The following NEDD4 variants were observed in gnomAD, a reference collection of about 807,000 sequenced individuals.
NEDD4 encodes NEDD4 E3 ubiquitin protein ligase, also known as E3 ubiquitin-protein ligase NEDD4.
In NEDD4, 99 loss-of-function variants were observed where a neutral mutation model predicts 144.9. The observed-to-expected ratio is 0.68, with a 90% CI of 0.58 to 0.81. The LOEUF (loss-of-function observed/expected upper bound fraction) is 0.81. NEDD4 is among the 30% of genes least tolerant of loss of function. The pLI, the probability that NEDD4 is intolerant of heterozygous loss-of-function variation, is 0.00. For synonymous variants in NEDD4, 318 were observed against 350.6 expected, an observed-to-expected ratio of 0.91 and a Z score of 1.04; for missense variants, 985 against 1,065.9, an observed-to-expected ratio of 0.92 and a Z score of 1.06.
At chr15:55,964,389 G>C (rs572623285) in intron 2 of NEDD4, among the ~76,000 whole-genome samples, 1 of 151,900 alleles carries the variant, frequency 6.6e-6, no homozygotes, top group Non-Finnish European at 1.5e-5. Flanking sequence ...TTTAAGTTCA[G>C]TTAATCTTTC....
chr15:55,880,974 A>G (rs1446418300), intron 5 of NEDD4, among the ~76,000 whole-genome samples: 6 of 152,310 alleles, frequency 3.9e-5, no homozygotes, highest in Non-Finnish European at 8.8e-5. Context: ...CATTTCAAAC[A>G]GGTATATCCA....
chr15:55,992,800 TTAATC>T (rs779701657), intron 1 of NEDD4, among the ~76,000 whole-genome samples: 1 of 152,218 alleles, frequency 6.6e-6, no homozygotes, highest in African/African-American at 2.4e-5. Context: ...ATCCCAGAGC[TTAATC>T]TAGTTTTCAA....
intron 4 of NEDD4, among the ~76,000 whole-genome samples, chr15:55,944,234 C>A (rs1393001830): frequency 6.6e-6 from 1 of 152,174 alleles, no homozygotes; most frequent in African/African-American, 2.4e-5. Flanking sequence ...CTTTCCTAGC[C>A]AAAAGAAGCT....
chr15:55,949,020 C>G (rs2037179149), intron 4 of NEDD4, among the ~76,000 whole-genome samples: 1 of 152,072 alleles, frequency 6.6e-6, no homozygotes, highest in Non-Finnish European at 1.5e-5. Context: ...AACAGGCAAC[C>G]TATAGAATGG....
intron 1 of NEDD4, among the ~76,000 whole-genome samples, chr15:55,985,677 T>C (rs531649992): frequency 3.9e-4 from 59 of 152,270 alleles, no homozygotes; most frequent in Middle Eastern, 6.8e-3. Context: ...GAATTCATGA[T>C]TTTTAAATTT....
chr15:55,954,751 C>A (rs2037307125), intron 2 of NEDD4, among the ~76,000 whole-genome samples: 1 of 152,126 alleles, frequency 6.6e-6, no homozygotes, highest in Non-Finnish European at 1.5e-5. Flanking sequence ...CTTCAACTCC[C>A]AGTTTCAGGT....
At chr15:55,836,924 G>T (rs1472484638) in intron 24 of NEDD4, among the ~76,000 whole-genome samples, 2 of 152,130 alleles carry the variant, frequency 1.3e-5, no homozygotes, top group African/African-American at 4.8e-5. Context: ...CTCCTCAAGT[G>T]TTGGGATTTT....
intron 5 of NEDD4, among the ~76,000 whole-genome samples, chr15:55,908,898 A>C (rs2036184605): frequency 6.6e-6 from 1 of 152,166 alleles, no homozygotes; most frequent in Non-Finnish European, 1.5e-5. Context: ...GATAAAAAGT[A>C]AATAAAAGGA....
At chr15:55,982,597 T>A (rs1383875000) in intron 1 of NEDD4, among the ~76,000 whole-genome samples, 1 of 152,172 alleles carries the variant, frequency 6.6e-6, no homozygotes, top group Non-Finnish European at 1.5e-5. Flanking sequence ...CAGAATTGAC[T>A]GGAAGAGGGC....
intron 24 of NEDD4, among the ~76,000 whole-genome samples, chr15:55,837,100 C>T (rs1168772125): frequency 2.6e-5 from 4 of 152,058 alleles, no homozygotes; most frequent in African/African-American, 4.8e-5. Context: ...AGCTATATGT[C>T]GTCACATGTA....
intron 5 of NEDD4, among the ~76,000 whole-genome samples, chr15:55,884,854 A>C (rs1021607125): frequency 6.6e-6 from 1 of 152,248 alleles, no homozygotes; most frequent in Non-Finnish European, 1.5e-5. Context: ...TCTTTAAAGA[A>C]GTAGAGACAG....
chr15:55,947,849 T>C (rs1198534987), intron 4 of NEDD4, among the ~76,000 whole-genome samples: 2 of 152,192 alleles, frequency 1.3e-5, no homozygotes, highest in South Asian at 2.1e-4. Flanking sequence ...AATATCATAC[T>C]GAATGGGCAA....
chr15:55,910,940 TA>T (rs35796466), intron 5 of NEDD4, among the ~76,000 whole-genome samples: 65,313 of 151,840 alleles, frequency 0.43, 14,147 homozygotes, highest in Middle Eastern at 0.48. Flanking sequence ...CCCAACTACT[TA>T]ACTATCAGCC....
chr15:55,993,444 C>T, intron 1 of NEDD4, 67 bp downstream of exon 1: 1 of 1,562,140 alleles, frequency 6.4e-7, no homozygotes, highest in Non-Finnish European at 8.7e-7. Context: ...GCCGCCGCTA[C>T]CTCCCCGGGT....
At chr15:55,962,599 A>C (rs2037444101) in intron 2 of NEDD4, among the ~76,000 whole-genome samples, 1 of 151,748 alleles carries the variant, frequency 6.6e-6, no homozygotes, top group South Asian at 2.1e-4. Context: ...GCCTGCCACC[A>C]CACACAGCTA....
chr15:55,914,212 A>T (rs543752506), intron 5 of NEDD4, among the ~76,000 whole-genome samples: 68 of 135,232 alleles, frequency 5.0e-4, no homozygotes, highest in Middle Eastern at 8.1e-3. Flanking sequence ...TTTTTTTTTT[A>T]AAACAATCTT....
chr15:55,830,327 G>A (rs2032889566), intron 28 of NEDD4, among the ~76,000 whole-genome samples, 187 bp downstream of exon 28: 2 of 152,196 alleles, frequency 1.3e-5, no homozygotes, highest in African/African-American at 4.8e-5. Flanking sequence ...TCAGCTACCT[G>A]GACTTCAAGC....
intron 5 of NEDD4, among the ~76,000 whole-genome samples, chr15:55,892,365 T>A (rs886069549): frequency 1.5e-4 from 23 of 151,662 alleles, no homozygotes; most frequent in African/African-American, 5.5e-4. Flanking sequence ...AAATCTACTG[T>A]AAAAGGCAAA....
At chr15:55,975,992 T>C (rs1290514048) in intron 1 of NEDD4, among the ~76,000 whole-genome samples, 2 of 152,158 alleles carry the variant, frequency 1.3e-5, no homozygotes, top group Non-Finnish European at 2.9e-5. Flanking sequence ...TATAGTGAAC[T>C]CCTTTTTGAC....
Sources: gnomAD v4.1 joint callset for allele counts (sites outside exome capture counted in the v4.1 genomes callset) on GRCh38, gnomAD v4.1.1 for gene constraint, MANE v1.5 for transcripts, NCBI Gene and HGNC (gene_info 2026-07-23, HGNC 2026-07-21) for gene names.